FAF1: variants seen among roughly 807,000 people sequenced by gnomAD.
FAF1 encodes the protein Fas associated factor 1.
A neutral mutation model predicts 92.5 loss-of-function variants in FAF1; 25 were observed. The observed-to-expected ratio is 0.27, with a 90% CI of 0.20 to 0.38. FAF1 has a LOEUF of 0.38. Ranked by LOEUF, FAF1 falls within the 10% of genes least tolerant of loss-of-function variation. FAF1 has a pLI of 1.00. For missense variants in FAF1, 636 were observed against 793.3 expected (o/e 0.80, Z 2.38); for synonymous variants, 234 against 273.2 (o/e 0.86, Z 1.42).
In FAF1 at chr1:50,582,107, T is replaced by C. The variant is rs200222282; in HGVS notation, c.1113+511A>G. 2.0e-5 allele frequency among the ~76,000 whole-genome samples: 3 copies of C among 152,074 alleles called. No homozygotes were observed. The East Asian group carries it at 5.8e-4, about 29-fold the overall frequency. On this transcript the variant is annotated intron_variant, in intron 12 of 18. Transcript: ENST00000396153. ...AAATATTGCAGTTGTTAGATATATA[T>C]CACTACACAGAATAATCATTTTGGG... is the stretch of plus-strand genomic sequence containing the variant.
At chr1:50,927,447 T>A (rs1014056530) in intron 1 of FAF1, among the ~76,000 whole-genome samples, 10 of 152,048 alleles carry the variant, frequency 6.6e-5, no homozygotes, top group African/African-American at 2.2e-4. Context: ...CCGGGCATGG[T>A]GGCATGTGCC....
At chr1:50,689,149 T>C (rs1656800794) in intron 7 of FAF1, among the ~76,000 whole-genome samples, 1 of 152,216 alleles carries the variant, frequency 6.6e-6, no homozygotes, top group African/African-American at 2.4e-5. Flanking sequence ...GTAACTGAAC[T>C]ATACACGTAA....
intron 18 of FAF1, among the ~76,000 whole-genome samples, chr1:50,463,320 C>A (rs1297317074): frequency 6.6e-6 from 1 of 152,056 alleles, no homozygotes; most frequent in Non-Finnish European, 1.5e-5. Context: ...CTGGACTTTG[C>A]CCATGTACCT....
intron 18 of FAF1, among the ~76,000 whole-genome samples, chr1:50,442,140 A>T (rs1173606291): frequency 1.3e-5 from 2 of 152,168 alleles, no homozygotes; most frequent in African/African-American, 4.8e-5. Context: ...AGCTAGACAA[A>T]ATCTTGGCTG....
intron 7 of FAF1, among the ~76,000 whole-genome samples, chr1:50,700,360 C>T (rs762840489): frequency 9.9e-5 from 15 of 152,064 alleles, no homozygotes; most frequent in Non-Finnish European, 1.8e-4. Context: ...ACGCAGCCCC[C>T]GGCCTTTGTA....
intron 13 of FAF1, among the ~76,000 whole-genome samples, chr1:50,564,357 AT>A (rs1392174804): frequency 2.0e-5 from 3 of 152,048 alleles, no homozygotes; most frequent in Non-Finnish European, 4.4e-5. Context: ...CCAGGAATTT[AT>A]TTCCAAACTT....
At chr1:50,828,299 C>CA (rs1480689054) in intron 2 of FAF1, among the ~76,000 whole-genome samples, 14 of 149,140 alleles carry the variant, frequency 9.4e-5, no homozygotes, top group Admixed American at 4.0e-4. Flanking sequence ...GACGGAGTCT[C>CA]AGTCTGTCAC....
chr1:50,678,717 T>C (rs1361436933), intron 7 of FAF1, among the ~76,000 whole-genome samples: 1 of 132,354 alleles, frequency 7.6e-6, no homozygotes, highest in Non-Finnish European at 1.5e-5. Context: ...GAGGCAGAGG[T>C]TGCAGTGAAC....
chr1:50,504,529 T>G (rs1489668813), intron 15 of FAF1, among the ~76,000 whole-genome samples: 1 of 151,826 alleles, frequency 6.6e-6, no homozygotes, highest in Non-Finnish European at 1.5e-5. Context: ...CTAATATGCA[T>G]CTACTAGGAA....
At chr1:50,959,302 GC>G (rs1333387303) in intron 1 of FAF1, among the ~76,000 whole-genome samples, 6 of 152,154 alleles carry the variant, frequency 3.9e-5, no homozygotes, top group Admixed American at 3.3e-4. Context: ...CATTGTCATT[GC>G]CCTCGCCATC....
At chr1:50,646,839 G>A (rs1654612693) in intron 8 of FAF1, among the ~76,000 whole-genome samples, 1 of 151,976 alleles carries the variant, frequency 6.6e-6, no homozygotes. Context: ...ATCTCAGAAG[G>A]ACTCTATTTC....
At chr1:50,828,846 G>A (rs1644128367) in intron 2 of FAF1, among the ~76,000 whole-genome samples, 1 of 152,022 alleles carries the variant, frequency 6.6e-6, no homozygotes. Flanking sequence ...GCTTATTAAA[G>A]ACTCATTAAA....
chr1:50,622,175 A>AT (rs1206570380), intron 8 of FAF1, among the ~76,000 whole-genome samples: 1 of 151,714 alleles, frequency 6.6e-6, no homozygotes, highest in African/African-American at 2.4e-5. Flanking sequence ...AAAAAAAAAA[A>AT]AATAAAAAGA....
At chr1:50,451,531 A>G (rs1254147966) in intron 18 of FAF1, among the ~76,000 whole-genome samples, 2 of 152,246 alleles carry the variant, frequency 1.3e-5, no homozygotes, top group South Asian at 2.1e-4. Flanking sequence ...TGTGTTCTTA[A>G]CCACCACAGT....
At chr1:50,499,714 C>A (rs1270520696) in intron 15 of FAF1, among the ~76,000 whole-genome samples, 2 of 151,920 alleles carry the variant, frequency 1.3e-5, no homozygotes, top group African/African-American at 4.8e-5. Context: ...AACAAGCAAC[C>A]CCTTCCCCTT....
At chr1:50,907,271 A>G (rs1270436309) in intron 1 of FAF1, among the ~76,000 whole-genome samples, 1 of 152,170 alleles carries the variant, frequency 6.6e-6, no homozygotes, top group Non-Finnish European at 1.5e-5. Flanking sequence ...GTGCTGCTGC[A>G]TTTGCTTTGC....
At chr1:50,954,535 T>A (rs1361660140) in intron 1 of FAF1, among the ~76,000 whole-genome samples, 2 of 112,220 alleles carry the variant, frequency 1.8e-5, no homozygotes, top group Non-Finnish European at 3.4e-5. Flanking sequence ...AAATAAAAAA[T>A]TTTGATTTTT....
chr1:50,631,342 C>G (rs1023697516), intron 8 of FAF1, among the ~76,000 whole-genome samples: 1 of 152,196 alleles, frequency 6.6e-6, no homozygotes, highest in Non-Finnish European at 1.5e-5. Flanking sequence ...CCAGCCAGAT[C>G]TGTCCCCATC....
At chr1:50,454,658 G>A (rs1646331214) in intron 18 of FAF1, among the ~76,000 whole-genome samples, 2 of 152,318 alleles carry the variant, frequency 1.3e-5, no homozygotes, top group South Asian at 2.1e-4. Context: ...CATAAGGTCA[G>A]TGTTTAAAGT....
Sources: gnomAD v4.1 joint callset for allele counts (sites outside exome capture counted in the v4.1 genomes callset) on GRCh38, gnomAD v4.1.1 for gene constraint, MANE v1.5 for transcripts, NCBI Gene and HGNC (gene_info 2026-07-23, HGNC 2026-07-21) for gene names.